The following RFX1 variants were observed in gnomAD, a reference collection of about 807,000 sequenced individuals.
RFX1 encodes MHC class II regulatory factor RFX1.
Under a neutral mutation model 119.6 loss-of-function variants are expected in RFX1, and 42 were observed. The observed-to-expected ratio is 0.35, with a 90% CI of 0.27 to 0.45. RFX1 has a LOEUF of 0.45. Among genes scored for constraint, RFX1 ranks in the 20% least tolerant of loss-of-function variants. The probability of loss-of-function intolerance (pLI) is 1.00; values close to 1 mark genes in which losing one functional copy is unlikely to be tolerated. For missense variants in RFX1, 1,118 were observed against 1,368.1 expected, an observed-to-expected ratio of 0.82 and a Z score of 2.88; for synonymous variants, 628 against 618.5, an observed-to-expected ratio of 1.02 and a Z score of -0.23.
intron 1 of RFX1, among the ~76,000 whole-genome samples, chr19:13,997,247 C>G (rs1975062571): frequency 6.6e-6 from 1 of 152,178 alleles, no homozygotes; most frequent in African/African-American, 2.4e-5. Context: ...TCTTGGATGC[C>G]AAACTCAAGA....
chr19:14,002,314 CA>C lies in RFX1; in HGVS notation c.-53+3788del, dbSNP rs753879311. On this transcript the variant is annotated intron_variant, in intron 1 of 20. Coordinates refer to ENST00000254325, the MANE Select transcript of RFX1 (RefSeq NM_002918.5). ...TGGATGACAGAGTGAGACTCTGTCTCAAAAAAAAAAAAAAAAAAAAATTAGC... is the reference window on the plus strand; with the variant it reads ...TGGATGACAGAGTGAGACTCTGTCTCAAAAAAAAAAAAAAAAAAAATTAGC... 9.6e-3 allele frequency among the ~76,000 whole-genome samples: 535 copies of C among 55,700 alleles called. 3 individuals are homozygous for C. Among genetic ancestry groups the C allele is most frequent in the African/African-American group, 0.028 (412 of 14,524 alleles). The allele number at this position is 55,700 out of a possible 152,430, so 36.5% of individuals were successfully genotyped here.
Position 13,980,424 on chromosome 19 carries a change from A to G in RFX1, c.738+149T>C. On this transcript the variant is annotated intron_variant, in intron 6 of 20. Transcript: ENST00000254325. The surrounding 1 kb of genome is among the most constrained non-coding windows in gnomAD (Gnocchi z 5.1). ...CAGGATGCTGAGTCTGGAGACAGGC[A>G]GAGATGCTTATCAAAGGCCAGGGTG... 1 of 594,276 alleles carries G rather than the reference A, an allele frequency of 1.7e-6. No individual in the cohort carries two copies. 36.8% of individuals were successfully genotyped at this position (594,276 alleles called of 1,614,324 possible).
chr19:13,965,589 T>C lies in RFX1; in HGVS notation c.2113+37A>G, dbSNP rs770879634. Reference sequence around the variant, plus strand: ...GGTCGGTCAGGGCAGGGCGGGTGTATGTGGGGCAGGGGATGCCGAGCAGGC... The same window carrying C: ...GGTCGGTCAGGGCAGGGCGGGTGTACGTGGGGCAGGGGATGCCGAGCAGGC... On this transcript the variant is annotated intron_variant, in intron 15 of 20. Transcript: ENST00000254325. This position sits in a 1 kb window ranked among gnomAD's most constrained non-coding sequence, Gnocchi z 4.7. 1.2e-6 allele frequency: 2 copies of C among 1,611,932 alleles called. No homozygotes were observed.
At chr19:14,003,349 G>T (rs921507424) in intron 1 of RFX1, among the ~76,000 whole-genome samples, 8 of 125,476 alleles carry the variant, frequency 6.4e-5, no homozygotes, top group African/African-American at 1.2e-4. Flanking sequence ...TCAGCAGCCA[G>T]GGGAGTGACT....
At position 13,963,176 on chromosome 19, in the gene RFX1, G is replaced by T. The variant is rs769521923; in HGVS notation, c.2670C>A (p.Ile890=). The part of the protein sequence containing the change: ...LLYDEYMYYL[I]EHRVAQAKGE... ...CCTTGGCCTGGGCTACGCGGTGCTCGATCAGGTAGTACATGTACTCGTCGT... is the reference window on the plus strand; with the variant it reads ...CCTTGGCCTGGGCTACGCGGTGCTCTATCAGGTAGTACATGTACTCGTCGT... Residue 890 remains isoleucine (I), a synonymous_variant, in exon 19 of 21, where the codon ATC becomes ATA. Coordinates refer to ENST00000254325, the MANE Select transcript of RFX1 (RefSeq NM_002918.5). 1 of 1,612,544 alleles carries T rather than the reference G, an allele frequency of 6.2e-7. No homozygotes were observed. Among genetic ancestry groups the T allele is most frequent in the Non-Finnish European group, 8.5e-7 (1 of 1,179,444 alleles).
In RFX1 at chr19:13,982,234, G is replaced by A; in HGVS notation, c.514-6C>T. The stretch of plus-strand genomic sequence containing the variant: ...AGACGCTGCGTGGGAAGAGCCTGGG[G>A]CCAGGGAGGGAGAGGGAGGGCAGAT... On this transcript the variant is annotated splice_polypyrimidine_tract_variant and splice_region_variant and intron_variant, in intron 4 of 20. Transcript: ENST00000254325. 7.7e-7 allele frequency: 1 copy of A among 1,298,172 alleles called. No homozygotes were observed. Among genetic ancestry groups the A allele is most frequent in the African/African-American group, 1.7e-5 (1 of 59,494 alleles). 80.4% of individuals were successfully genotyped at this position (1,298,172 alleles called of 1,614,324 possible).
intron 8 of RFX1, among the ~76,000 whole-genome samples, chr19:13,976,051 G>A (rs541109944): frequency 2.0e-5 from 3 of 152,384 alleles, no homozygotes; most frequent in African/African-American, 7.2e-5. Flanking sequence ...AGGAACCCTT[G>A]GACACCGTGT....
intron 9 of RFX1, among the ~76,000 whole-genome samples, chr19:13,971,475 G>A (rs1974076797): frequency 6.6e-6 from 1 of 152,048 alleles, no homozygotes; most frequent in Non-Finnish European, 1.5e-5. Context: ...GGAATCCAGG[G>A]CTGCCCCAGG....
intron 8 of RFX1, among the ~76,000 whole-genome samples, chr19:13,975,143 G>C (rs569537824): frequency 2.0e-5 from 3 of 151,764 alleles, no homozygotes; most frequent in African/African-American, 7.3e-5. Context: ...ATCACCTGAG[G>C]TCAGGAGTTC....
At position 13,993,617 on chromosome 19, in the gene RFX1, G is replaced by A. The variant is rs769812987; in HGVS notation, c.227C>T (p.Thr76Met). 1.5e-5 allele frequency: 24 copies of A among 1,610,078 alleles called. No homozygotes were observed. In the Admixed American group the frequency reaches 1.5e-4, roughly 10 times the overall value. ...GGGTGCGGGTACAGCCGGGAGCTCC[G>A]TCACGTACTGCTTCTGGCCACCCGG... ...QPPGGQKQYV[T>M]ELPAVPAPSQ... is the part of the protein sequence containing the mutation. Residue 76 changes from threonine to methionine, a missense_variant, in exon 2 of 21, where the codon ACG (threonine) becomes ATG (methionine). Physicochemically the swap from Thr to Met is moderately conservative, Grantham distance 81. Transcript: ENST00000254325.
At chr19:13,989,625 T>C (rs1380111797) in intron 2 of RFX1, among the ~76,000 whole-genome samples, 3 of 152,092 alleles carry the variant, frequency 2.0e-5, no homozygotes, top group Non-Finnish European at 2.9e-5. Flanking sequence ...TTTAAAGTCC[T>C]TTTTTGTCAG....
At chr19:13,973,180 CGAGGGGCATGACTGTGCAGGAAGGGGGGT>C in intron 8 of RFX1, 53 bp from the exon 9 acceptor site, 2 of 1,214,398 alleles carry the variant, frequency 1.6e-6, no homozygotes, top group East Asian at 2.7e-5. Context: ...ACTGGGGGGC[CGAGGGGCATGACTGTGCAGGAAGGGGGGT>C]CCTAGGAGGG....
chr19:13,993,700 G>A lies in RFX1; in HGVS notation c.144C>T (p.Ala48=), dbSNP rs377178085. 1,178 of 1,579,864 alleles carry A rather than the reference G, an allele frequency of 7.5e-4. 1 individual carries two copies. Among genetic ancestry groups the A allele is most frequent in the Non-Finnish European group, 9.5e-4 (1,106 of 1,162,468 alleles). ...PQPPQPPTAA[A]TPQPQYVTEL... The stretch of plus-strand genomic sequence containing the variant: ...CGGTGACATATTGGGGCTGAGGGGT[G>A]GCAGCAGCGGTGGGTGGCTGCGGGG... The change falls in exon 2 of 21, where the codon GCC becomes GCT. Residue 48 remains alanine (A), a synonymous_variant. Transcript: ENST00000254325.
In RFX1 at chr19:13,969,722, T is replaced by TG. The variant is rs986492985; in HGVS notation, c.1496+271dup. 2 of 393,724 alleles carry TG rather than the reference T, an allele frequency of 5.1e-6. No homozygotes were observed. Among genetic ancestry groups the TG allele is most frequent in the East Asian group, 7.8e-5 (2 of 25,600 alleles). 24.4% of individuals were successfully genotyped at this position (393,724 alleles called of 1,614,324 possible). On this transcript the variant is annotated intron_variant, in intron 10 of 20. Coordinates refer to ENST00000254325, the MANE Select transcript of RFX1 (RefSeq NM_002918.5). The surrounding 1 kb of genome is among the most constrained non-coding windows in gnomAD (Gnocchi z 4.5). ...GCTAAAGAGAAAAATAAAGCAGGGT[T>TG]GGGGGGTGTCGGGCAGGGGAGAGGG...
At chr19:14,002,699 C>T (rs1304680832) in intron 1 of RFX1, among the ~76,000 whole-genome samples, 3 of 152,172 alleles carry the variant, frequency 2.0e-5, no homozygotes, top group Non-Finnish European at 4.4e-5. Flanking sequence ...CAGGCAATGC[C>T]TTCTGGTCCA....
chr19:13,965,686 T>C lies in RFX1; in HGVS notation c.2053A>G (p.Asn685Asp). 6.2e-7 allele frequency: 1 copy of C among 1,613,904 alleles called. No individual in the cohort carries two copies. The highest frequency in any genetic ancestry group is 2.2e-5 in the East Asian group (1 of 44,890). The part of the protein sequence containing the change: ...PVLQWTKHCD[N>D]VLYQGLVEIL... ...TCCACCAGGCCCTGGTACAGCACGT[T>C]GTCACAGTGCTTGGTCCATTGGAGC... The change falls in exon 15 of 21, where the codon AAC (asparagine) becomes GAC (aspartate). Residue 685 changes from asparagine (N) to aspartate (D), a missense_variant. This residue lies in a region of RFX1 where 338 missense variants were observed against 508.9 expected (regional missense o/e 0.66). Coordinates refer to ENST00000254325, the MANE Select transcript of RFX1 (RefSeq NM_002918.5). The surrounding 1 kb of genome is among the most constrained non-coding windows in gnomAD (Gnocchi z 4.7).
chr19:13,970,502 G>A (rs1288585236), intron 9 of RFX1, among the ~76,000 whole-genome samples: 1 of 151,218 alleles, frequency 6.6e-6, no homozygotes, highest in East Asian at 1.9e-4. Context: ...CTCTACCAAC[G>A]AATTTTTAAA....
intron 5 of RFX1, among the ~76,000 whole-genome samples, chr19:13,981,671 C>G (rs1342450119): frequency 2.6e-5 from 4 of 152,290 alleles, no homozygotes; most frequent in African/African-American, 9.6e-5. Context: ...GCCATCTGAC[C>G]CCGAGCTCCT....
At chr19:13,973,254 G>A in intron 8 of RFX1, 127 bp from the exon 9 acceptor site, 2 of 693,902 alleles carry the variant, frequency 2.9e-6, no homozygotes, top group African/African-American at 1.8e-5. Context: ...GCAGCAAGGA[G>A]CAGATCCTAG....
Sources: gnomAD v4.1 joint callset for allele counts (sites outside exome capture counted in the v4.1 genomes callset) on GRCh38, gnomAD v4.1.1 for gene constraint, gnomAD v4.1.1 regional missense constraint, Gnocchi (gnomAD v3.1) non-coding constraint, MANE v1.5 for transcripts, NCBI Gene and HGNC (gene_info 2026-07-23, HGNC 2026-07-21) for gene names.